The following HRCT1 variants were observed in gnomAD, a reference collection of about 807,000 sequenced individuals.
HRCT1 encodes the protein histidine rich carboxyl terminus 1.
For synonymous variants in HRCT1, 76 were observed against 69.0 expected, an observed-to-expected ratio of 1.10 and a Z score of -0.50; for missense variants, 185 against 161.3, an observed-to-expected ratio of 1.15 and a Z score of -0.80.
chr9:35,906,382 T>C lies in HRCT1; in HGVS notation c.95T>C (p.Leu32Pro). ...LLLLLLLATCLFHGRQDCDVE... is the reference protein window; with the variant it reads ...LLLLLLLATCPFHGRQDCDVE... ...CTGCTGCTGCTGCTGGCCACCTGCC[T>C]TTTCCACGGACGGCAGGACTGTGAC... The change falls in exon 1 of 1, where the codon CTT (leucine) becomes CCT (proline). Residue 32 changes from leucine to proline, a missense_variant. Transcript: ENST00000354323. The C allele has an allele frequency of 6.2e-7, 1 of 1,612,266 alleles. No homozygotes were observed. Among genetic ancestry groups the C allele is most frequent in the Non-Finnish European group, 8.5e-7 (1 of 1,179,922 alleles).
At chr9:35,907,129 ACTAAGAAG>A (rs2132462205) in exon 1 of HRCT1, 1 of 176,278 alleles carries the variant, frequency 5.7e-6, no homozygotes, top group South Asian at 1.9e-4. Flanking sequence ...AATAAAAACC[ACTAAGAAG>A]CTTTTGTGAA....
At position 35,906,340 on chromosome 9, in the gene HRCT1, C is replaced by T; in HGVS notation, c.53C>T (p.Ala18Val). 6.2e-7 allele frequency: 1 copy of T among 1,611,380 alleles called. No individual in the cohort carries two copies. Among genetic ancestry groups the T allele is most frequent in the Non-Finnish European group, 8.5e-7 (1 of 1,179,488 alleles). The stretch of plus-strand genomic sequence containing the variant: ...CTCGTGGGATGGATCACAGGTGCTG[C>T]TGTGGCGGTCCTGCTGCTGCTGCTG... ...TALVGWITGA[A>V]VAVLLLLLLL... Residue 18 changes from alanine (A) to valine (V), a missense_variant, in exon 1 of 1, where the codon GCT becomes GTT. Transcript: ENST00000354323.
chr9:35,906,315 C>T lies in HRCT1; in HGVS notation c.28C>T (p.Leu10Phe), dbSNP rs150808535. 1.7e-5 allele frequency: 27 copies of T among 1,609,814 alleles called. No homozygotes were observed. The East Asian group carries it at 6.0e-4, about 36-fold the overall frequency. Residue 10 changes from leucine to phenylalanine, a missense_variant, in exon 1 of 1, where the codon CTC (leucine) becomes TTC (phenylalanine). Transcript: ENST00000354323. ...GCTGGGCCTCCTGGGGAGCACAGCC[C>T]TCGTGGGATGGATCACAGGTGCTGC... MLGLLGSTA[L>F]VGWITGAAVA... is the part of the protein sequence containing the mutation.
In HRCT1 at chr9:35,906,586, T is replaced by TCCACCTCCACCACCACCA. The variant is rs1462382418; in HGVS notation, c.304_305insTCCACCACCACCACCACC (p.His101_His102insLeuHisHisHisHisHis). 1.1e-4 allele frequency: 128 copies of TCCACCTCCACCACCACCA among 1,189,964 alleles called. 1 individual carries two copies. The African/African-American group carries it at 2.5e-3, about 23-fold the overall frequency. The allele number at this position is 1,189,964 out of a possible 1,614,324, so 73.7% of individuals were successfully genotyped here. A position where few individuals can be genotyped will look rare whatever the true frequency, so the allele number is the denominator to read the frequency against. The stretch of plus-strand genomic sequence containing the variant: ...CACCCCCGCCACACCCCTCACCACC[T>TCCACCTCCACCACCACCA]CCACCACCACCACCACCCCCACCGC... On this transcript the variant is annotated inframe_insertion, in exon 1 of 1. Coordinates refer to ENST00000354323, the MANE Select transcript of HRCT1 (RefSeq NM_001039792.2).
Position 35,906,929 on chromosome 9 carries a change from A to C in HRCT1, c.*294A>C, listed in dbSNP as rs1346056003. The C allele has an allele frequency of 2.1e-6, 1 of 472,002 alleles. No homozygotes were observed. Among genetic ancestry groups the C allele is most frequent in the Non-Finnish European group, 3.9e-6 (1 of 253,650 alleles). 29.2% of individuals were successfully genotyped at this position (472,002 alleles called of 1,614,324 possible). ...GTGACAGTGACTCCCAGTGAGCCCC[A>C]GAAATGACAAGCGTGTCTTGGCAGA... On this transcript the variant is annotated 3_prime_UTR_variant, in exon 1 of 1. Coordinates refer to ENST00000354323, the MANE Select transcript of HRCT1 (RefSeq NM_001039792.2).
chr9:35,907,054 C>A lies in HRCT1; in HGVS notation c.*419C>A. On this transcript the variant is annotated 3_prime_UTR_variant, in exon 1 of 1. Transcript: ENST00000354323. ...GCACTGGGAGAGGCCCTGAGAATGT[C>A]CTTTTGGTTTGGAGAAGGCAGTGTG... 4.1e-6 allele frequency: 1 copy of A among 245,056 alleles called. No individual in the cohort carries two copies. Among genetic ancestry groups the A allele is most frequent in the South Asian group, 1.2e-4 (1 of 8,294 alleles). The allele number at this position is 245,056 out of a possible 1,614,324, so 15.2% of individuals were successfully genotyped here.
In HRCT1 at chr9:35,906,239, A is replaced by C. The variant is rs1187473108; in HGVS notation, c.-49A>C. On this transcript the variant is annotated 5_prime_UTR_variant, in exon 1 of 1. Coordinates refer to ENST00000354323, the MANE Select transcript of HRCT1 (RefSeq NM_001039792.2). ...GGCTGAGCGGAGGCTGCTGAAGGGG[A>C]GAAAGGAGTGAGGAGCTGCTGGGCA... 1.3e-6 allele frequency: 2 copies of C among 1,552,330 alleles called. No individual in the cohort carries two copies. The highest frequency in any genetic ancestry group is 4.5e-5 in the East Asian group (2 of 44,150).
Position 35,906,601 on chromosome 9 carries a change from A to ACCACCACCACCACCCCCC in HRCT1, c.316_317insACCACCACCACCCCCCCC (p.His105_Pro106insHisHisHisHisProPro), listed in dbSNP as rs1554690920. On this transcript the variant is annotated inframe_insertion, in exon 1 of 1. Coordinates refer to ENST00000354323, the MANE Select transcript of HRCT1 (RefSeq NM_001039792.2). ...CCTCACCACCTCCACCACCACCACC[A>ACCACCACCACCACCCCCC]CCCCCACCGCCACCATCCCCGCCAC... 1.9e-6 allele frequency: 2 copies of ACCACCACCACCACCCCCC among 1,079,740 alleles called. No individual in the cohort carries two copies. The highest frequency in any genetic ancestry group is 2.9e-5 in the African/African-American group (1 of 34,664). The allele number at this position is 1,079,740 out of a possible 1,614,324, so 66.9% of individuals were successfully genotyped here. A position where few individuals can be genotyped will look rare whatever the true frequency, so the allele number is the denominator to read the frequency against.
At position 35,906,462 on chromosome 9, in the gene HRCT1, T is replaced by C; in HGVS notation, c.175T>C (p.Trp59Arg). 1.2e-6 allele frequency: 2 copies of C among 1,604,758 alleles called. No homozygotes were observed. Among genetic ancestry groups the C allele is most frequent in the Non-Finnish European group, 1.7e-6 (2 of 1,174,952 alleles). Residue 59 changes from tryptophan (W) to arginine (R), a missense_variant, in exon 1 of 1, where the codon TGG (tryptophan) becomes CGG (arginine). Trp to Arg is a moderately radical substitution (Grantham distance 101). Transcript: ENST00000354323. The part of the protein sequence containing the change: ...GGNRVRRAQP[W>R]PFRRRGHLGI... ...AAACCGAGTCCGCCGGGCCCAGCCT[T>C]GGCCCTTCCGGCGGCGGGGCCACCT...
rs112212538 is a variant in HRCT1 at position 35,906,604 on chromosome 9, C to T, written c.317C>T (p.Pro106Leu). ...TPHHLHHHHH[P>L]HRHHPRHAR ...CACCACCTCCACCACCACCACCACCCCCACCGCCACCATCCCCGCCACGCT... is the reference window on the plus strand; with the variant it reads ...CACCACCTCCACCACCACCACCACCTCCACCGCCACCATCCCCGCCACGCT... The change falls in exon 1 of 1, where the codon CCC becomes CTC. Residue 106 changes from proline (P) to leucine (L), a missense_variant. By Grantham distance (98) the Pro-to-Leu change is moderately conservative (BLOSUM62 -3). Coordinates refer to ENST00000354323, the MANE Select transcript of HRCT1 (RefSeq NM_001039792.2). 283 of 1,157,416 alleles carry T rather than the reference C, an allele frequency of 2.4e-4. 1 individual carries two copies. Among genetic ancestry groups the T allele is most frequent in the Non-Finnish European group, 2.8e-4 (243 of 868,702 alleles). 71.7% of individuals were successfully genotyped at this position (1,157,416 alleles called of 1,614,324 possible). A position where few individuals can be genotyped will look rare whatever the true frequency, so the allele number is the denominator to read the frequency against.
At position 35,906,279 on chromosome 9, in the gene HRCT1, G is replaced by C; in HGVS notation, c.-9G>C. ...GCTGCTGGGCAGAGAGGGACTGTCC[G>C]GCTCCCAGATGCTGGGCCTCCTGGG... On this transcript the variant is annotated 5_prime_UTR_variant, in exon 1 of 1. Coordinates refer to ENST00000354323, the MANE Select transcript of HRCT1 (RefSeq NM_001039792.2). The C allele has an allele frequency of 6.3e-7, 1 of 1,592,254 alleles. No individual in the cohort carries two copies. The highest frequency in any genetic ancestry group is 8.6e-7 in the Non-Finnish European group (1 of 1,168,306).
rs1833079525 is a variant in HRCT1, at chr9:35,906,311, A to G, written c.24A>G (p.Thr8=). The G allele has an allele frequency of 2.4e-5, 38 of 1,607,926 alleles. No homozygotes were observed. Among genetic ancestry groups the G allele is most frequent in the Non-Finnish European group, 3.2e-5 (38 of 1,177,242 alleles). ...AGATGCTGGGCCTCCTGGGGAGCAC[A>G]GCCCTCGTGGGATGGATCACAGGTG... The part of the protein sequence containing the change: MLGLLGS[T]ALVGWITGAA... The change falls in exon 1 of 1, where the codon ACA becomes ACG. Residue 8 remains threonine (T), a synonymous_variant. Transcript: ENST00000354323.
chr9:35,906,779 G>C lies in HRCT1; in HGVS notation c.*144G>C. 8.7e-7 allele frequency: 1 copy of C among 1,143,374 alleles called. No individual in the cohort carries two copies. The highest frequency in any genetic ancestry group is 1.2e-6 in the Non-Finnish European group (1 of 812,134). The allele number at this position is 1,143,374 out of a possible 1,614,324, so 70.8% of individuals were successfully genotyped here. On this transcript the variant is annotated 3_prime_UTR_variant, in exon 1 of 1. Transcript: ENST00000354323. ...CAATAGACTGGGGCTTGCTCCAGCT[G>C]CATTTGCATGGCATGCCCCAGTGTA... is the stretch of plus-strand genomic sequence containing the variant.
In HRCT1 at chr9:35,906,547, T is replaced by TCCA. The variant is rs750046144; in HGVS notation, c.275_277dup (p.His92dup). On this transcript the variant is annotated inframe_insertion, in exon 1 of 1. Transcript: ENST00000354323. ...GTATCTCATGTGCCGAATGTGGGCC[T>TCCA]CCACCACCACCACCACCCCCGCCAC... is the stretch of plus-strand genomic sequence containing the variant. 1.6e-3 allele frequency: 2,305 copies of TCCA among 1,486,952 alleles called. 1 individual carries two copies. Among genetic ancestry groups the TCCA allele is most frequent in the Non-Finnish European group, 2.0e-3 (2,202 of 1,098,538 alleles). The allele number at this position is 1,486,952 out of a possible 1,614,324, so 92.1% of individuals were successfully genotyped here.
At position 35,906,238 on chromosome 9, in the gene HRCT1, G is replaced by A. The variant is rs1833078208; in HGVS notation, c.-50G>A. On this transcript the variant is annotated 5_prime_UTR_variant, in exon 1 of 1. Transcript: ENST00000354323. ...GGGCTGAGCGGAGGCTGCTGAAGGG[G>A]AGAAAGGAGTGAGGAGCTGCTGGGC... is the stretch of plus-strand genomic sequence containing the variant. The A allele has an allele frequency of 6.4e-7, 1 of 1,552,586 alleles. No individual in the cohort carries two copies. The highest frequency in any genetic ancestry group is 8.7e-7 in the Non-Finnish European group (1 of 1,148,060).
rs1833101115 is a variant in HRCT1 at position 35,906,599 on chromosome 9, C to T, written c.312C>T (p.His104=). 1.4e-6 allele frequency: 2 copies of T among 1,480,038 alleles called. No homozygotes were observed. Among genetic ancestry groups the T allele is most frequent in the African/African-American group, 1.6e-5 (1 of 61,256 alleles). The allele number at this position is 1,480,038 out of a possible 1,614,324, so 91.7% of individuals were successfully genotyped here. The change falls in exon 1 of 1, where the codon CAC becomes CAT. Residue 104 remains histidine, a synonymous_variant. Coordinates refer to ENST00000354323, the MANE Select transcript of HRCT1 (RefSeq NM_001039792.2). ...RHTPHHLHHH[H]HPHRHHPRHA... ...CCCCTCACCACCTCCACCACCACCA[C>T]CACCCCCACCGCCACCATCCCCGCC...
chr9:35,906,202 A>G lies in HRCT1; in HGVS notation c.-86A>G, dbSNP rs1588211746. 1 of 1,496,380 alleles carries G rather than the reference A, an allele frequency of 6.7e-7. No individual in the cohort carries two copies. The highest frequency in any genetic ancestry group is 2.3e-5 in the East Asian group (1 of 42,734). The allele number at this position is 1,496,380 out of a possible 1,614,324, so 92.7% of individuals were successfully genotyped here. On this transcript the variant is annotated 5_prime_UTR_variant, in exon 1 of 1. Coordinates refer to ENST00000354323, the MANE Select transcript of HRCT1 (RefSeq NM_001039792.2). ...GCCCGCAGCAGAGACAACAAAGTTC[A>G]GTGACTGAGAGGGCTGAGCGGAGGC...
Position 35,906,419 on chromosome 9 carries a change from C to T in HRCT1, c.132C>T (p.Asn44=), listed in dbSNP as rs760526630. The change falls in exon 1 of 1, where the codon AAC becomes AAT. Residue 44 remains asparagine, a synonymous_variant. Transcript: ENST00000354323. ...GGCAGGACTGTGACGTGGAGAGGAACCGTACAGCTGCAGGGGGAAACCGAG... is the reference window on the plus strand; with the variant it reads ...GGCAGGACTGTGACGTGGAGAGGAATCGTACAGCTGCAGGGGGAAACCGAG... ...HGRQDCDVER[N]RTAAGGNRVR... The T allele has an allele frequency of 5.6e-6, 9 of 1,612,872 alleles. No individual in the cohort carries two copies. Among genetic ancestry groups the T allele is most frequent in the Non-Finnish European group, 7.6e-6 (9 of 1,180,010 alleles).
chr9:35,906,761 CTG>C lies in HRCT1; in HGVS notation c.*127_*128del, dbSNP rs1160639711. On this transcript the variant is annotated 3_prime_UTR_variant, in exon 1 of 1. Coordinates refer to ENST00000354323, the MANE Select transcript of HRCT1 (RefSeq NM_001039792.2). ...TGGGGTGAACGAGGGGAACAATAGA[CTG>C]GGGCTTGCTCCAGCTGCATTTGCAT... 4.2e-5 allele frequency: 56 copies of C among 1,329,002 alleles called. No homozygotes were observed. The Admixed American group carries it at 1.4e-3, about 33-fold the overall frequency. 82.3% of individuals were successfully genotyped at this position (1,329,002 alleles called of 1,614,324 possible).
Sources: gnomAD v4.1 joint callset for allele counts on GRCh38, gnomAD v4.1.1 for gene constraint, MANE v1.5 for transcripts, NCBI Gene and HGNC (gene_info 2026-07-23, HGNC 2026-07-21) for gene names.